The following TRIP13 variants were observed in gnomAD, a reference collection of about 807,000 sequenced individuals.
TRIP13 encodes pachytene checkpoint protein 2 homolog.
TRIP13 carries 25 observed loss-of-function variants against 54.4 expected under a neutral mutation model. The ratio of observed to expected loss-of-function variants is 0.46; its 90% confidence interval spans 0.33 to 0.64. The LOEUF (loss-of-function observed/expected upper bound fraction) is 0.64, where lower values mean the gene tolerates loss of function less well. Among genes scored for constraint, TRIP13 ranks in the 30% least tolerant of loss-of-function variants. The pLI, the probability that TRIP13 is intolerant of heterozygous loss-of-function variation, is 0.02. For missense variants in TRIP13, 373 were observed against 534.2 expected (o/e 0.70, Z 2.97); for synonymous variants, 207 against 207.8 (o/e 1.00, Z 0.03).
At chr5:916,101 G>A (rs1284825543) in intron 12 of TRIP13, 128 bp downstream of exon 12, 5 of 971,472 alleles carry the variant, frequency 5.1e-6, no homozygotes, top group African/African-American at 4.8e-5. Context: ...AGGGTCCTGG[G>A]GCCGGAGGAG....
intron 6 of TRIP13, among the ~76,000 whole-genome samples, chr5:905,879 GC>G (rs1338545117): frequency 1.3e-5 from 2 of 152,204 alleles, no homozygotes; most frequent in Non-Finnish European, 2.9e-5. Context: ...TTAGCAACTT[GC>G]CCTTTGCTTT....
At chr5:904,812 A>G (rs1004601137) in intron 6 of TRIP13, among the ~76,000 whole-genome samples, 29 of 151,478 alleles carry the variant, frequency 1.9e-4, no homozygotes, top group African/African-American at 7.0e-4. Flanking sequence ...CTGATAGTGT[A>G]TTTTTCTGCT....
chr5:907,902 G>A lies in TRIP13; in HGVS notation c.673-86G>A. ...AGACAGTGGGCTTGTGGGGACAACTGGGGCAGCAGGCCACATCAGGGTCCC... is the reference window on the plus strand; with the variant it reads ...AGACAGTGGGCTTGTGGGGACAACTAGGGCAGCAGGCCACATCAGGGTCCC... On this transcript the variant is annotated intron_variant, in intron 7 of 12. Transcript: ENST00000166345. This position sits in a 1 kb window ranked among gnomAD's most constrained non-coding sequence, Gnocchi z 4.1. 1 of 1,374,996 alleles carries A rather than the reference G, an allele frequency of 7.3e-7. No homozygotes were observed. The highest frequency in any genetic ancestry group is 1.0e-6 in the Non-Finnish European group (1 of 966,230). 85.2% of individuals were successfully genotyped at this position (1,374,996 alleles called of 1,614,324 possible).
Position 915,961 on chromosome 5 carries a change from G to A in TRIP13, c.1191G>A (p.Ala397=), listed in dbSNP as rs1215563234. The A allele has an allele frequency of 1.5e-5, 25 of 1,613,976 alleles. No homozygotes were observed. The highest frequency in any genetic ancestry group is 1.7e-5 in the Non-Finnish European group (20 of 1,179,990). The change falls in exon 12 of 13, where the codon GCG becomes GCA. Residue 397 remains alanine, a synonymous_variant. Transcript: ENST00000166345. The surrounding 1 kb of genome is among the most constrained non-coding windows in gnomAD (Gnocchi z 4.2). ...VLRKLPFLAH[A]LYVQAPTVTI... The stretch of plus-strand genomic sequence containing the variant: ...GAAAACTCCCCTTTCTGGCTCATGC[G>A]CTGTATGTCCAGGTGAGTCTCCACT...
Position 917,041 on chromosome 5 carries a change from G to T in TRIP13, c.1237G>T (p.Ala413Ser), listed in dbSNP as rs1449129518. The T allele has an allele frequency of 6.2e-7, 1 of 1,613,992 alleles. No homozygotes were observed. The highest frequency in any genetic ancestry group is 8.5e-7 in the Non-Finnish European group (1 of 1,180,034). ...PTVTIEGFLQ[A>S]LSLAVDKQFE... ...CGTCACCATAGAGGGGTTCCTCCAG[G>T]CCCTGTCTCTGGCAGTGGACAAGCA... The change falls in exon 13 of 13, where the codon GCC (alanine) becomes TCC (serine). Residue 413 changes from alanine to serine, a missense_variant. By Grantham distance (99) the Ala-to-Ser change is moderately conservative. Transcript: ENST00000166345.
intron 6 of TRIP13, among the ~76,000 whole-genome samples, chr5:904,991 T>C (rs541054753): frequency 1.1e-4 from 17 of 152,352 alleles, no homozygotes; most frequent in African/African-American, 4.1e-4. Context: ...GTCACATGGT[T>C]TTGCTTTGTT....
Position 918,003 on chromosome 5 carries a change from C to CGG in TRIP13, c.*900_*901insGG, listed in dbSNP as rs1754371176. ...CTTTTGAAAGAACATGTTACCTTAC[C>CGG]TTTTGTTTTAGAAGTTTTCAAGTAT... On this transcript the variant is annotated 3_prime_UTR_variant, in exon 13 of 13. Coordinates refer to ENST00000166345, the MANE Select transcript of TRIP13 (RefSeq NM_004237.4). The surrounding 1 kb of genome is among the most constrained non-coding windows in gnomAD (Gnocchi z 4.3). 1 of 152,044 alleles carries CGG rather than the reference C, an allele frequency of 6.6e-6. No homozygotes were observed. Among genetic ancestry groups the CGG allele is most frequent in the East Asian group, 1.9e-4 (1 of 5,192 alleles). The allele number at this position is 152,044 out of a possible 1,614,324, so 9.4% of individuals were successfully genotyped here.
chr5:896,873 G>T (rs572131310), intron 3 of TRIP13, 79 bp downstream of exon 3: 73 of 1,456,312 alleles, frequency 5.0e-5, no homozygotes, highest in African/African-American at 8.5e-5. Flanking sequence ...TTCACAGGGG[G>T]GGTTCTGTTT....
Position 893,057 on chromosome 5 carries a change from C to G in TRIP13, c.59C>G (p.Thr20Arg), listed in dbSNP as rs369798844. The G allele has an allele frequency of 6.3e-7, 1 of 1,598,138 alleles. No homozygotes were observed. The highest frequency in any genetic ancestry group is 2.3e-5 in the East Asian group (1 of 44,194). ...QALPCVAESP[T>R]VHVEVHQRGS... is the part of the protein sequence containing the mutation. Reference sequence around the variant, plus strand: ...CTTCCCTGTGTGGCCGAGTCGCCAACGGTCCACGTGGAGGTGCATCAGCGC... The same window carrying G: ...CTTCCCTGTGTGGCCGAGTCGCCAAGGGTCCACGTGGAGGTGCATCAGCGC... Residue 20 changes from threonine to arginine, a missense_variant, in exon 1 of 13, where the codon ACG becomes AGG. Physicochemically the swap from Thr to Arg is moderately conservative, Grantham distance 71. Coordinates refer to ENST00000166345, the MANE Select transcript of TRIP13 (RefSeq NM_004237.4).
intron 6 of TRIP13, among the ~76,000 whole-genome samples, chr5:904,989 G>C (rs1289040090): frequency 6.6e-6 from 1 of 152,118 alleles, no homozygotes; most frequent in Non-Finnish European, 1.5e-5. Flanking sequence ...GGGTCACATG[G>C]TTTTGCTTTG....
At chr5:910,729 C>T (rs1336527965) in intron 9 of TRIP13, among the ~76,000 whole-genome samples, 1 of 152,222 alleles carries the variant, frequency 6.6e-6, no homozygotes, top group African/African-American at 2.4e-5. Context: ...CTGTCCACTC[C>T]CGCATCTCTG....
intron 9 of TRIP13, among the ~76,000 whole-genome samples, chr5:910,532 T>C (rs559467578): frequency 3.3e-5 from 5 of 152,312 alleles, no homozygotes; most frequent in Admixed American, 3.3e-4. Flanking sequence ...CACACGACGC[T>C]GATGGCCTCG....
Position 917,474 on chromosome 5 carries a change from A to T in TRIP13, c.*371A>T, listed in dbSNP as rs1259437281. ...GGAAGATTAATGCAGGTGTTATAGA[A>T]GCCAGAAGAGAAACTGTGTCACCCT... On this transcript the variant is annotated 3_prime_UTR_variant, in exon 13 of 13. Transcript: ENST00000166345. The T allele has an allele frequency of 5.6e-6, 1 of 177,418 alleles. No individual in the cohort carries two copies. The highest frequency in any genetic ancestry group is 1.7e-4 in the East Asian group (1 of 5,992). 11.0% of individuals were successfully genotyped at this position (177,418 alleles called of 1,614,324 possible).
Position 917,925 on chromosome 5 carries a change from G to C in TRIP13, c.*822G>C, listed in dbSNP as rs1305654480. On this transcript the variant is annotated 3_prime_UTR_variant, in exon 13 of 13. Coordinates refer to ENST00000166345, the MANE Select transcript of TRIP13 (RefSeq NM_004237.4). Reference sequence around the variant, plus strand: ...TCTCTTTCTCCGAATGTTATGTTTTGCTTTTATCTCACAGTAAAATAAATA... The same window carrying C: ...TCTCTTTCTCCGAATGTTATGTTTTCCTTTTATCTCACAGTAAAATAAATA... The C allele has an allele frequency of 6.6e-6, 1 of 152,100 alleles. No individual in the cohort carries two copies. The highest frequency in any genetic ancestry group is 1.5e-5 in the Non-Finnish European group (1 of 68,010). 9.4% of individuals were successfully genotyped at this position (152,100 alleles called of 1,614,324 possible). A position where few individuals can be genotyped will look rare whatever the true frequency, so the allele number is the denominator to read the frequency against.
Position 908,195 on chromosome 5 carries a change from C to T in TRIP13, c.759+121C>T. On this transcript the variant is annotated intron_variant, in intron 8 of 12. Transcript: ENST00000166345. This position sits in a 1 kb window ranked among gnomAD's most constrained non-coding sequence, Gnocchi z 5.2. Reference sequence around the variant, plus strand: ...CAGCCGGGCTGCCCTCTATCCCTCCCTGCACTGTGCGCCTTTCCACCTTGC... The same window carrying T: ...CAGCCGGGCTGCCCTCTATCCCTCCTTGCACTGTGCGCCTTTCCACCTTGC... 3 of 1,381,788 alleles carry T rather than the reference C, an allele frequency of 2.2e-6. No homozygotes were observed. Among genetic ancestry groups the T allele is most frequent in the Non-Finnish European group, 3.1e-6 (3 of 980,222 alleles). 85.6% of individuals were successfully genotyped at this position (1,381,788 alleles called of 1,614,324 possible). A position where few individuals can be genotyped will look rare whatever the true frequency, so the allele number is the denominator to read the frequency against.
At chr5:905,368 G>A (rs1299882176) in intron 6 of TRIP13, among the ~76,000 whole-genome samples, 2 of 152,192 alleles carry the variant, frequency 1.3e-5, no homozygotes. Flanking sequence ...ACACACACCT[G>A]AGTATTCATC....
At position 894,773 on chromosome 5, in the gene TRIP13, G is replaced by T. The variant is rs910129471; in HGVS notation, c.93-14G>T. 8.8e-6 allele frequency: 14 copies of T among 1,585,366 alleles called. No homozygotes were observed. Among genetic ancestry groups the T allele is most frequent in the Non-Finnish European group, 9.4e-6 (11 of 1,168,190 alleles). On this transcript the variant is annotated splice_polypyrimidine_tract_variant and intron_variant, in intron 1 of 12. Coordinates refer to ENST00000166345, the MANE Select transcript of TRIP13 (RefSeq NM_004237.4). ...ACTAAGATCATTTATGTGTGTTTTGGCTTCTTTTTTTAGCACTGCAAAGAA... is the reference window on the plus strand; with the variant it reads ...ACTAAGATCATTTATGTGTGTTTTGTCTTCTTTTTTTAGCACTGCAAAGAA...
Position 914,538 on chromosome 5 carries a change from A to G in TRIP13, c.1094A>G (p.Asn365Ser), listed in dbSNP as rs1754303629. The G allele has an allele frequency of 3.7e-6, 6 of 1,613,756 alleles. No individual in the cohort carries two copies. The highest frequency in any genetic ancestry group is 4.2e-6 in the Non-Finnish European group (5 of 1,179,942). ...GAGATGATTGGCTTCATTGAAAACA[A>G]CGTGTCAAAATTGAGCCTTCTTTTG... is the stretch of plus-strand genomic sequence containing the variant. ...ELEMIGFIENNVSKLSLLLND... is the reference protein window; with the variant it reads ...ELEMIGFIENSVSKLSLLLND... The change falls in exon 11 of 13, where the codon AAC (asparagine) becomes AGC (serine). Residue 365 changes from asparagine to serine, a missense_variant. This residue lies in a region of TRIP13 where 101 missense variants were observed against 138.5 expected (regional missense o/e 0.73). Coordinates refer to ENST00000166345, the MANE Select transcript of TRIP13 (RefSeq NM_004237.4).
At chr5:914,608 A>T in intron 11 of TRIP13, 31 bp downstream of exon 11, 1 of 1,561,680 alleles carries the variant, frequency 6.4e-7, no homozygotes, top group Non-Finnish European at 8.8e-7. Flanking sequence ...TGTAATCAAG[A>T]AGAATCCATT....
Sources: gnomAD v4.1 joint callset for allele counts (sites outside exome capture counted in the v4.1 genomes callset) on GRCh38, gnomAD v4.1.1 for gene constraint, gnomAD v4.1.1 regional missense constraint, Gnocchi (gnomAD v3.1) non-coding constraint, MANE v1.5 for transcripts, NCBI Gene and HGNC (gene_info 2026-07-23, HGNC 2026-07-21) for gene names.